Variants in TENM1 observed in about 807,000 individuals in gnomAD.
TENM1 encodes the protein teneurin transmembrane protein 1.
A neutral mutation model predicts 174.8 loss-of-function variants in TENM1; 35 were observed. The ratio of observed to expected loss-of-function variants is 0.20; its 90% confidence interval spans 0.15 to 0.27. The LOEUF (loss-of-function observed/expected upper bound fraction) is 0.27. Ranked by LOEUF, TENM1 falls within the 10% of genes least tolerant of loss-of-function variation. TENM1 has a pLI of 1.00. For synonymous variants in TENM1, 781 were observed against 798.7 expected (o/e 0.98, Z 0.37); for missense variants, 1,633 against 2,130.1 (o/e 0.77, Z 4.59).
rs908755706 is a variant in TENM1 at position 124,503,826 on chromosome X, C to A, written c.3302-123G>T. 4.1e-5 allele frequency: 28 copies of A among 678,658 alleles called. 1 individual carries two copies. The African/African-American group carries it at 4.4e-4, about 11-fold the overall frequency. 55.9% of individuals were successfully genotyped at this position (678,658 alleles called of 1,213,427 possible). A position where few individuals can be genotyped will look rare whatever the true frequency, so the allele number is the denominator to read the frequency against. On this transcript the variant is annotated intron_variant, in intron 18 of 31. Transcript: ENST00000422452. ...AATTCTGATTAGAGTTGAAATTTGA[C>A]TGCAAATTTCTTTCACCTAGCACAG...
chrX:124,868,956 G>A (rs371705244), intron 3 of TENM1, among the ~76,000 whole-genome samples: 1 of 109,456 alleles, frequency 9.1e-6, no homozygotes, highest in African/African-American at 3.3e-5. Context: ...TGGGCGTGGT[G>A]GCTCACGCCT....
chrX:124,438,062 T>C (rs1049714253), intron 23 of TENM1, among the ~76,000 whole-genome samples: 5 of 111,936 alleles, frequency 4.5e-5, no homozygotes, highest in African/African-American at 1.3e-4. Flanking sequence ...GTCTGAAATT[T>C]AGTTAGGCCA....
chrX:125,158,336 G>C, the TENM1 span, among the ~76,000 whole-genome samples: 1 of 102,347 alleles, frequency 9.8e-6, no homozygotes, highest in East Asian at 3.2e-4. Context: ...CTGGGAGGTG[G>C]AGGTTGCAGT....
the TENM1 span, among the ~76,000 whole-genome samples, chrX:125,163,969 T>C: frequency 1.9e-4 from 21 of 111,724 alleles, no homozygotes; most frequent in South Asian, 2.2e-3. Context: ...AAAAGCCAAA[T>C]TTTTAGGTAA....
chrX:124,973,696 C>T, the TENM1 span, among the ~76,000 whole-genome samples: 4 of 111,603 alleles, frequency 3.6e-5, no homozygotes, highest in Non-Finnish European at 7.5e-5. Flanking sequence ...CATGATTTGG[C>T]TCTCTATTAT....
the TENM1 span, among the ~76,000 whole-genome samples, chrX:125,147,984 C>T: frequency 6.4e-4 from 71 of 111,454 alleles, no homozygotes; most frequent in South Asian, 0.026. Context: ...TTTGAACTCT[C>T]AACTTCCCTT....
At chrX:124,825,541 T>C (rs2147309961) in intron 3 of TENM1, among the ~76,000 whole-genome samples, 1 of 111,336 alleles carries the variant, frequency 9.0e-6, no homozygotes, top group South Asian at 3.8e-4. Flanking sequence ...GATATGCTAC[T>C]TCTGCACATT....
the TENM1 span, among the ~76,000 whole-genome samples, chrX:125,172,296 T>C: frequency 9.2e-6 from 1 of 108,204 alleles, no homozygotes; most frequent in Non-Finnish European, 1.9e-5. Flanking sequence ...GAGCATGCAA[T>C]GAAACTGAGA....
At chrX:125,083,813 T>C in the TENM1 span, among the ~76,000 whole-genome samples, 1 of 111,269 alleles carries the variant, frequency 9.0e-6, no homozygotes, top group Admixed American at 9.6e-5. Flanking sequence ...AATAGGTCAC[T>C]GTAGCCATGG....
chrX:124,742,226 C>A (rs1352946565), intron 3 of TENM1, among the ~76,000 whole-genome samples: 2 of 111,207 alleles, frequency 1.8e-5, no homozygotes, highest in Admixed American at 1.9e-4. Flanking sequence ...AAAAGGGGCA[C>A]ATATATTCCT....
the TENM1 span, among the ~76,000 whole-genome samples, chrX:125,168,518 C>G: frequency 1.4e-4 from 16 of 111,512 alleles, no homozygotes; most frequent in Non-Finnish European, 2.3e-4. Flanking sequence ...TTCTACCCAA[C>G]AGAATATGGC....
chrX:125,188,397 G>T, the TENM1 span, among the ~76,000 whole-genome samples: 1 of 110,817 alleles, frequency 9.0e-6, no homozygotes. Context: ...GAAAAGAAAA[G>T]AAAAGGCAGT....
At chrX:124,860,716 C>CA (rs2056896471) in intron 3 of TENM1, among the ~76,000 whole-genome samples, 2 of 111,445 alleles carry the variant, frequency 1.8e-5, no homozygotes, top group African/African-American at 6.5e-5. Context: ...GTATAAAGTA[C>CA]AAAAAAATTA....
chrX:124,434,882 C>G (rs2060819558), intron 23 of TENM1, among the ~76,000 whole-genome samples: 1 of 111,816 alleles, frequency 8.9e-6, no homozygotes, highest in African/African-American at 3.2e-5. Flanking sequence ...AGAACTGAAC[C>G]CTCTCAGCCC....
the TENM1 span, among the ~76,000 whole-genome samples, chrX:125,040,784 T>C: frequency 2.7e-5 from 3 of 111,433 alleles, no homozygotes; most frequent in African/African-American, 9.7e-5. Flanking sequence ...TTTCCTCTGA[T>C]GTTAAAAGTC....
chrX:124,426,082 G>A (rs2060713524), intron 23 of TENM1, among the ~76,000 whole-genome samples: 1 of 108,019 alleles, frequency 9.3e-6, no homozygotes, highest in Non-Finnish European at 1.9e-5. Context: ...GCTAGGCACT[G>A]GAGACATGCA....
intron 3 of TENM1, among the ~76,000 whole-genome samples, chrX:124,881,381 C>T (rs748066612): frequency 1.1e-4 from 12 of 110,682 alleles, no homozygotes; most frequent in Non-Finnish European, 2.3e-4. Context: ...TGTTATGTCT[C>T]TTTTTTCACT....
At chrX:124,871,279 T>C (rs182819169) in intron 3 of TENM1, among the ~76,000 whole-genome samples, 4 of 112,013 alleles carry the variant, frequency 3.6e-5, no homozygotes, top group African/African-American at 1.3e-4. Flanking sequence ...CTGAGAAGCA[T>C]AGAGACCTGT....
intron 1 of TENM1, among the ~76,000 whole-genome samples, chrX:124,945,110 CCTCT>C (rs918699474): frequency 8.9e-6 from 1 of 111,784 alleles, no homozygotes; most frequent in African/African-American, 3.3e-5. Context: ...TCAGGGAATG[CCTCT>C]CTGAGAAGGT....
Sources: allele counts gnomAD v4.1 joint callset (sites outside exome capture counted in the v4.1 genomes callset), GRCh38; gene constraint gnomAD v4.1.1; transcripts MANE v1.5; gene names NCBI Gene and HGNC (gene_info 2026-07-23, HGNC 2026-07-21).